Variants in SDK1 observed in about 807,000 individuals in gnomAD.
SDK1 encodes the protein sidekick cell adhesion molecule 1, also known as protein sidekick-1.
Under a neutral mutation model 245.5 loss-of-function variants are expected in SDK1, and 157 were observed. That is an observed-to-expected ratio of 0.64 (90% CI 0.56 to 0.73). SDK1 has a LOEUF of 0.73. Ranked by LOEUF, SDK1 falls within the 30% of genes least tolerant of loss-of-function variation. SDK1 has a pLI of 0.00. For missense variants in SDK1, 3,583 were observed against 3,002.3 expected, an observed-to-expected ratio of 1.19 and a Z score of -4.52; for synonymous variants, 1,647 against 1,278.5, an observed-to-expected ratio of 1.29 and a Z score of -6.15.
At chr7:3,935,776 G>A (rs368770539) in intron 5 of SDK1, among the ~76,000 whole-genome samples, 9 of 152,198 alleles carry the variant, frequency 5.9e-5, no homozygotes, top group South Asian at 2.1e-4. Context: ...AAACTGGAAC[G>A]CTTAGGTACT....
intron 28 of SDK1, 133 bp from the exon 29 acceptor site, chr7:4,145,589 C>G: frequency 1.3e-6 from 1 of 758,656 alleles, no homozygotes; most frequent in East Asian, 2.8e-5. Flanking sequence ...CCTTTCAGTG[C>G]ACAGGCAGTG....
At chr7:3,868,295 G>C (rs1448698482) in intron 5 of SDK1, among the ~76,000 whole-genome samples, 1 of 152,126 alleles carries the variant, frequency 6.6e-6, no homozygotes, top group Non-Finnish European at 1.5e-5. Flanking sequence ...CCAATGATTG[G>C]TACATGAGCT....
At chr7:4,120,907 C>T (rs928950106) in intron 25 of SDK1, among the ~76,000 whole-genome samples, 2 of 150,002 alleles carry the variant, frequency 1.3e-5, no homozygotes, top group East Asian at 2.0e-4. Context: ...TAAGCCACCA[C>T]ACCCGGCCAA....
At chr7:3,412,045 T>C (rs1240701492) in intron 1 of SDK1, among the ~76,000 whole-genome samples, 3 of 152,102 alleles carry the variant, frequency 2.0e-5, no homozygotes, top group African/African-American at 7.2e-5. Flanking sequence ...AAAGAGGACA[T>C]TGCCAGCAAA....
chr7:3,458,559 T>C (rs1780737612), intron 1 of SDK1, among the ~76,000 whole-genome samples: 1 of 152,250 alleles, frequency 6.6e-6, no homozygotes, highest in Admixed American at 6.5e-5. Flanking sequence ...TTGTACCTTT[T>C]CTAAGGTAAC....
chr7:3,355,521 GT>G (rs1229213784), intron 1 of SDK1, among the ~76,000 whole-genome samples: 1 of 152,140 alleles, frequency 6.6e-6, no homozygotes, highest in Non-Finnish European at 1.5e-5. Flanking sequence ...CTTATGTGGT[GT>G]TTCCAGTTAG....
At chr7:3,360,836 G>C (rs552510457) in intron 1 of SDK1, among the ~76,000 whole-genome samples, 3 of 151,926 alleles carry the variant, frequency 2.0e-5, no homozygotes, top group African/African-American at 4.8e-5. Context: ...GGGAGATAGT[G>C]GGGGGAGTTA....
chr7:3,746,956 A>G (rs1412444793), intron 4 of SDK1, among the ~76,000 whole-genome samples: 1 of 152,256 alleles, frequency 6.6e-6, no homozygotes, highest in East Asian at 1.9e-4. Context: ...AGACCATCAG[A>G]GGAGTCATCA....
chr7:3,374,517 C>T (rs181208431), intron 1 of SDK1, among the ~76,000 whole-genome samples: 6 of 152,276 alleles, frequency 3.9e-5, no homozygotes, highest in Admixed American at 3.9e-4. Flanking sequence ...TGGCTGCCAC[C>T]AGAAGGTCTC....
At chr7:3,441,851 C>G (rs1179968458) in intron 1 of SDK1, among the ~76,000 whole-genome samples, 7 of 152,108 alleles carry the variant, frequency 4.6e-5, no homozygotes, top group African/African-American at 1.7e-4. Context: ...GATCATAAAC[C>G]AAAAGTGATA....
At chr7:3,732,138 C>G (rs1369955111) in intron 4 of SDK1, among the ~76,000 whole-genome samples, 1 of 152,190 alleles carries the variant, frequency 6.6e-6, no homozygotes, top group Non-Finnish European at 1.5e-5. Flanking sequence ...TATTTGTTAG[C>G]AGTGACTACA....
chr7:3,601,009 G>A (rs1418217358), intron 1 of SDK1, among the ~76,000 whole-genome samples: 1 of 151,800 alleles, frequency 6.6e-6, no homozygotes, highest in African/African-American at 2.4e-5. Context: ...TCCCATTGAT[G>A]TGGTAGATTC....
chr7:4,017,395 G>C, intron 17 of SDK1, 43 bp downstream of exon 17: 10 of 1,550,012 alleles, frequency 6.5e-6, no homozygotes, highest in Non-Finnish European at 8.8e-6. Context: ...GATCTTTGCC[G>C]GGGAATGGGA....
chr7:3,736,082 A>G (rs1343915476), intron 4 of SDK1, among the ~76,000 whole-genome samples: 2 of 152,130 alleles, frequency 1.3e-5, no homozygotes, highest in African/African-American at 4.8e-5. Flanking sequence ...TATATTCTGA[A>G]TATTAACCCC....
At chr7:3,530,493 G>A (rs1402808727) in intron 1 of SDK1, among the ~76,000 whole-genome samples, 1 of 152,062 alleles carries the variant, frequency 6.6e-6, no homozygotes, top group Non-Finnish European at 1.5e-5. Context: ...CTGATAATGG[G>A]TTCTCAAAAT....
chr7:3,629,810 C>T (rs1202265214), intron 2 of SDK1, among the ~76,000 whole-genome samples: 1 of 152,138 alleles, frequency 6.6e-6, no homozygotes, highest in Non-Finnish European at 1.5e-5. Flanking sequence ...TGCAGGAAAG[C>T]ATGACCCATA....
intron 17 of SDK1, among the ~76,000 whole-genome samples, chr7:4,023,062 A>C (rs984696682): frequency 6.6e-6 from 1 of 152,028 alleles, no homozygotes; most frequent in Non-Finnish European, 1.5e-5. Context: ...GTGTGAGCCA[A>C]CACGCCCGGC....
intron 19 of SDK1, among the ~76,000 whole-genome samples, chr7:4,060,036 C>T (rs1352694359): frequency 6.6e-6 from 1 of 152,014 alleles, no homozygotes; most frequent in African/African-American, 2.4e-5. Flanking sequence ...CCCACCACCA[C>T]ACCTAGCTAA....
At chr7:4,063,621 G>A (rs7803434) in intron 19 of SDK1, among the ~76,000 whole-genome samples, 5 of 138,350 alleles carry the variant, frequency 3.6e-5, no homozygotes, top group Admixed American at 1.4e-4. Context: ...AAAAAACCCC[G>A]TAAATTCTTG....
Sources: allele counts gnomAD v4.1 joint callset (sites outside exome capture counted in the v4.1 genomes callset), GRCh38; gene constraint gnomAD v4.1.1; transcripts MANE v1.5; gene names NCBI Gene and HGNC (gene_info 2026-07-23, HGNC 2026-07-21).